PANK2: variants seen among roughly 807,000 people sequenced by gnomAD.
The protein encoded by PANK2 is pantothenate kinase 2, mitochondrial.
In PANK2, 36 loss-of-function variants were observed where a neutral mutation model predicts 43.1. The ratio of observed to expected loss-of-function variants is 0.84; its 90% confidence interval spans 0.64 to 1.10. The LOEUF (loss-of-function observed/expected upper bound fraction) is 1.10, where lower values mean the gene tolerates loss of function less well. Among genes scored for constraint, PANK2 ranks in the 50% least tolerant of loss-of-function variants. The pLI, the probability that PANK2 is intolerant of heterozygous loss-of-function variation, is 0.00. For synonymous variants in PANK2, 281 were observed against 238.2 expected (o/e 1.18, Z -1.66); for missense variants, 576 against 593.3 (o/e 0.97, Z 0.30).
intron 1 of PANK2, among the ~76,000 whole-genome samples, chr20:3,904,311 T>C (rs2090351613): frequency 1.3e-5 from 2 of 152,018 alleles, no homozygotes; most frequent in Non-Finnish European, 1.5e-5. Flanking sequence ...CTGGGCATGA[T>C]GACTCAGGCC....
At chr20:3,916,876 G>A (rs1228793810) in intron 4 of PANK2, 51 bp from the exon 5 acceptor site, 1 of 1,611,410 alleles carries the variant, frequency 6.2e-7, no homozygotes, top group Non-Finnish European at 8.5e-7. Flanking sequence ...AAGTTCTGTT[G>A]GGCTTTGTTG....
intron 4 of PANK2, among the ~76,000 whole-genome samples, chr20:3,913,082 A>G (rs1034702359): frequency 1.3e-5 from 2 of 152,206 alleles, no homozygotes; most frequent in African/African-American, 2.4e-5. Flanking sequence ...GGATTGTGCA[A>G]CCATCACTGT....
At chr20:3,899,703 CTTT>C (rs11469308) in intron 1 of PANK2, among the ~76,000 whole-genome samples, 342 of 88,998 alleles carry the variant, frequency 3.8e-3, no homozygotes, top group South Asian at 7.4e-3. Flanking sequence ...ATCAGTTGTA[CTTT>C]TTTTTTTTTT....
chr20:3,900,662 T>C (rs1407931995), intron 1 of PANK2, among the ~76,000 whole-genome samples: 2 of 151,970 alleles, frequency 1.3e-5, no homozygotes, highest in Admixed American at 6.6e-5. Context: ...CTCTCCTAAT[T>C]CCTGGTTAAG....
At position 3,913,775 on chromosome 20, in the gene PANK2, C is replaced by CATACATAT. The variant is rs1555788887; in HGVS notation, c.1082+1144_1082+1145insCATATATA. ...TTGTATGTATGCACACACACACACA[C>CATACATAT]ATATATATATATATATTTTTTTTTT... On this transcript the variant is annotated intron_variant, in intron 4 of 6. Transcript: ENST00000610179. Among the ~76,000 whole-genome samples the CATACATAT allele has an allele frequency of 1.2e-3, 154 of 123,988 alleles. 1 individual carries two copies. In the South Asian group the frequency reaches 0.022, roughly 17 times the overall value. The allele number at this position is 123,988 out of a possible 152,430, so 81.3% of individuals were successfully genotyped here. A position where few individuals can be genotyped will look rare whatever the true frequency, so the allele number is the denominator to read the frequency against.
chr20:3,914,003 A>G (rs575282916), intron 4 of PANK2, among the ~76,000 whole-genome samples: 8 of 151,122 alleles, frequency 5.3e-5, no homozygotes, highest in Admixed American at 2.0e-4. Flanking sequence ...GTTGGCCAGG[A>G]TGGTCTCGAT....
intron 4 of PANK2, among the ~76,000 whole-genome samples, chr20:3,913,934 GCCT>G (rs949612093): frequency 3.3e-5 from 5 of 151,706 alleles, no homozygotes; most frequent in East Asian, 1.9e-4. Context: ...GACTACAGGT[GCCT>G]GCCACCACGC....
chr20:3,910,932 G>A (rs1220399039), intron 3 of PANK2, 102 bp downstream of exon 3: 4 of 1,427,862 alleles, frequency 2.8e-6, no homozygotes, highest in Non-Finnish European at 3.9e-6. Flanking sequence ...TTAGGTGAAA[G>A]TGTTTCTGGA....
chr20:3,912,623 T>C lies in PANK2; in HGVS notation c.1071T>C (p.Ala357=), dbSNP rs1187489573. Residue 357 remains alanine, a synonymous_variant, in exon 4 of 7, where the codon GCT becomes GCC. Transcript: ENST00000610179. ...AGAGGTTTGGACTGCCAGGCTGGGC[T>C]GTGGCTTCAAGGTAAGGGGGCATGT... 2.5e-6 allele frequency: 4 copies of C among 1,613,960 alleles called. No individual in the cohort carries two copies. The highest frequency in any genetic ancestry group is 1.7e-5 in the Admixed American group (1 of 59,976).
Position 3,923,263 on chromosome 20 carries a change from G to A in PANK2, c.1352G>A (p.Gly451Glu). ...TTTCAGGGTTATTTTGGAGCTGTTG[G>A]AGCACTCCTTGAGCTGTTGAAGATC... Residue 451 changes from glycine to glutamate, a missense_variant, in exon 7 of 7, where the codon GGA becomes GAA. This residue lies in a region of PANK2 where 32 missense variants were observed against 64.3 expected (regional missense o/e 0.50). Coordinates refer to ENST00000610179, the MANE Select transcript of PANK2 (RefSeq NM_001386393.1). 6 of 1,614,174 alleles carry A rather than the reference G, an allele frequency of 3.7e-6. No individual in the cohort carries two copies. Among genetic ancestry groups the A allele is most frequent in the Non-Finnish European group, 5.1e-6 (6 of 1,180,046 alleles).
chr20:3,902,126 A>G (rs1030116227), intron 1 of PANK2, among the ~76,000 whole-genome samples: 1 of 150,182 alleles, frequency 6.7e-6, no homozygotes, highest in South Asian at 2.1e-4. Flanking sequence ...CTAACATAAG[A>G]TGTTGGTCCT....
intron 4 of PANK2, among the ~76,000 whole-genome samples, chr20:3,913,774 AC>A (rs2090508276): frequency 1.2e-5 from 1 of 83,186 alleles, no homozygotes; most frequent in Non-Finnish European, 2.5e-5. Context: ...ACACACACAC[AC>A]ATATATATAT....
chr20:3,918,371 T>G (rs1469186183), intron 5 of PANK2, among the ~76,000 whole-genome samples: 1 of 152,194 alleles, frequency 6.6e-6, no homozygotes, highest in Admixed American at 6.5e-5. Flanking sequence ...TGTTTTTTTT[T>G]GTTTATTTTA....
Position 3,928,039 on chromosome 20 carries a change from C to T in PANK2, c.*4745C>T, listed in dbSNP as rs1032557045. The T allele has an allele frequency of 6.6e-6, 1 of 152,198 alleles. No homozygotes were observed. The highest frequency in any genetic ancestry group is 1.5e-5 in the Non-Finnish European group (1 of 68,040). The allele number at this position is 152,198 out of a possible 1,614,324, so 9.4% of individuals were successfully genotyped here. A position where few individuals can be genotyped will look rare whatever the true frequency, so the allele number is the denominator to read the frequency against. On this transcript the variant is annotated 3_prime_UTR_variant, in exon 7 of 7. Transcript: ENST00000610179. ...ATCCCCACTCAAATGGAAGCACACT[C>T]CCCAGCACATGGGGATCCCTTATTA...
chr20:3,905,500 C>T (rs1241726279), intron 1 of PANK2, among the ~76,000 whole-genome samples: 19 of 151,720 alleles, frequency 1.3e-4, no homozygotes, highest in African/African-American at 4.1e-4. Flanking sequence ...GCGCCCGCCA[C>T]CACGCCCGGC....
In PANK2 at chr20:3,927,933, T is replaced by G. The variant is rs2090749174; in HGVS notation, c.*4639T>G. On this transcript the variant is annotated 3_prime_UTR_variant, in exon 7 of 7. Transcript: ENST00000610179. ...CTTGGTCAAAAAGTGGAGTACATCTTTGCATCTTGTAACAATTTGGGCTCT... is the reference window on the plus strand; with the variant it reads ...CTTGGTCAAAAAGTGGAGTACATCTGTGCATCTTGTAACAATTTGGGCTCT... 1 of 152,220 alleles carries G rather than the reference T, an allele frequency of 6.6e-6. No homozygotes were observed. Among genetic ancestry groups the G allele is most frequent in the African/African-American group, 2.4e-5 (1 of 41,448 alleles). 9.4% of individuals were successfully genotyped at this position (152,220 alleles called of 1,614,324 possible).
chr20:3,917,846 T>C (rs1164688737), intron 5 of PANK2, among the ~76,000 whole-genome samples: 1 of 152,216 alleles, frequency 6.6e-6, no homozygotes, highest in Non-Finnish European at 1.5e-5. Flanking sequence ...TTCCCTTTCC[T>C]GTGCTTACGT....
At chr20:3,896,801 T>C (rs1239276613) in intron 1 of PANK2, among the ~76,000 whole-genome samples, 2 of 152,206 alleles carry the variant, frequency 1.3e-5, no homozygotes, top group Admixed American at 6.5e-5. Context: ...CTGTGTACTA[T>C]GCGTCTCTTC....
chr20:3,911,663 G>A (rs1400169660), intron 3 of PANK2, among the ~76,000 whole-genome samples: 4 of 151,632 alleles, frequency 2.6e-5, no homozygotes, highest in East Asian at 1.9e-4. Context: ...AGGCCGAGGC[G>A]GGTGGATCAC....
Sources: gnomAD v4.1 joint callset for allele counts (sites outside exome capture counted in the v4.1 genomes callset) on GRCh38, gnomAD v4.1.1 for gene constraint, gnomAD v4.1.1 regional missense constraint, MANE v1.5 for transcripts, NCBI Gene and HGNC (gene_info 2026-07-23, HGNC 2026-07-21) for gene names.